ARHGAP32: variants seen among roughly 807,000 people sequenced by gnomAD.
ARHGAP32 encodes the protein rho GTPase-activating protein 32.
A neutral mutation model predicts 186.5 loss-of-function variants in ARHGAP32; 51 were observed. The ratio of observed to expected loss-of-function variants is 0.27; its 90% CI spans 0.22 to 0.35. The LOEUF is 0.35. Ranked by LOEUF, ARHGAP32 falls within the 10% of genes least tolerant of loss-of-function variation. The pLI is 1.00. For missense variants in ARHGAP32, 2,186 were observed against 2,623.5 expected, an observed-to-expected ratio of 0.83 and a Z score of 3.64; for synonymous variants, 950 against 964.3, an observed-to-expected ratio of 0.99 and a Z score of 0.27.
At chr11:129,164,294 G>T in intron 2 of ARHGAP32, 25 bp downstream of exon 2, 1 of 1,330,418 alleles carries the variant, frequency 7.5e-7, no homozygotes, top group Non-Finnish European at 1.0e-6. Context: ...ATGTATATAT[G>T]AACAATTGTA....
At chr11:128,980,793 G>C (rs1945686890) in intron 17 of ARHGAP32, 45 bp from the exon 18 acceptor site, 3 of 1,404,258 alleles carry the variant, frequency 2.1e-6, no homozygotes, top group African/African-American at 2.9e-5. Flanking sequence ...AACTACGTGA[G>C]TGTATTCAAT....
chr11:129,260,175 A>C (rs1172107784), intron 1 of ARHGAP32, among the ~76,000 whole-genome samples: 1 of 152,182 alleles, frequency 6.6e-6, no homozygotes, highest in Non-Finnish European at 1.5e-5. Context: ...ATAGTATTTC[A>C]TTTACACTTC....
intron 5 of ARHGAP32, among the ~76,000 whole-genome samples, chr11:129,103,591 TATC>T (rs1941965074): frequency 6.6e-6 from 1 of 151,918 alleles, no homozygotes; most frequent in Non-Finnish European, 1.5e-5. Context: ...GTACTAAACA[TATC>T]ATAATTATAA....
rs1945442900 is a variant in ARHGAP32, at chr11:128,973,182, A to T, written c.3324T>A (p.Asp1108Glu). Residue 1108 changes from aspartate to glutamate, a missense_variant, in exon 22 of 23, where the codon GAT (aspartate) becomes GAA (glutamate). Transcript: ENST00000682385. ...LSSSYSAVAL[D>E]KAYFQTDRPA... is the part of the protein sequence containing the mutation. ...GTCGATCGGTTTGGAAATAGGCCTTATCTAGAGCAACTGCAGAGTAAGAAC... is the reference window on the plus strand; with the variant it reads ...GTCGATCGGTTTGGAAATAGGCCTTTTCTAGAGCAACTGCAGAGTAAGAAC... 1 of 1,614,140 alleles carries T rather than the reference A, an allele frequency of 6.2e-7. No homozygotes were observed. Among genetic ancestry groups the T allele is most frequent in the East Asian group, 2.2e-5 (1 of 44,878 alleles).
chr11:128,970,833 A>G lies in ARHGAP32; in HGVS notation c.4380T>C (p.Ala1460=). 6.2e-7 allele frequency: 1 copy of G among 1,614,236 alleles called. No homozygotes were observed. The highest frequency in any genetic ancestry group is 1.1e-5 in the South Asian group (1 of 91,088). The change falls in exon 23 of 23, where the codon GCT becomes GCC. Residue 1460 remains alanine, a synonymous_variant. Transcript: ENST00000682385. The surrounding 1 kb of genome is among the most constrained non-coding windows in gnomAD (Gnocchi z 5.8). Reference sequence around the variant, plus strand: ...ATGCATCGTCCACAGAGGTGGATGAAGCAGTGACAAAGGAATGATAATTTG... The same window carrying G: ...ATGCATCGTCCACAGAGGTGGATGAGGCAGTGACAAAGGAATGATAATTTG... The part of the protein sequence containing the change: ...SSSNYHSFVT[A]SSTSVDDALP...
chr11:128,972,442 C>T lies in ARHGAP32; in HGVS notation c.4053+11G>A, dbSNP rs369896801. The T allele has an allele frequency of 2.0e-6, 3 of 1,509,104 alleles. No individual in the cohort carries two copies. Among genetic ancestry groups the T allele is most frequent in the Non-Finnish European group, 2.7e-6 (3 of 1,128,972 alleles). The allele number at this position is 1,509,104 out of a possible 1,614,324, so 93.5% of individuals were successfully genotyped here. ...GTATATTTCATCTCACTGATATCTT[C>T]CCCTTCTTACCTTGTGGGAATTATT... On this transcript the variant is annotated intron_variant, in intron 22 of 22. Transcript: ENST00000682385.
chr11:129,135,724 G>A (rs544811856), intron 2 of ARHGAP32, among the ~76,000 whole-genome samples: 13 of 151,954 alleles, frequency 8.6e-5, no homozygotes, highest in South Asian at 6.2e-4. Flanking sequence ...CTGAGATCGC[G>A]CCACTGCACT....
intron 11 of ARHGAP32, among the ~76,000 whole-genome samples, chr11:129,024,883 T>C (rs544012023): frequency 6.6e-6 from 1 of 152,344 alleles, no homozygotes; most frequent in African/African-American, 2.4e-5. Context: ...TAAAGATTCT[T>C]ATTAGTTATT....
At chr11:129,018,036 T>A (rs1452969740) in intron 11 of ARHGAP32, among the ~76,000 whole-genome samples, 1 of 151,938 alleles carries the variant, frequency 6.6e-6, no homozygotes, top group Non-Finnish European at 1.5e-5. Flanking sequence ...TATTATTATT[T>A]TTATTTATTT....
chr11:129,109,845 C>T (rs139364317), intron 5 of ARHGAP32, among the ~76,000 whole-genome samples: 14 of 152,088 alleles, frequency 9.2e-5, no homozygotes, highest in African/African-American at 2.9e-4. Flanking sequence ...CCTTGTATAA[C>T]TCCCTTGTGG....
At chr11:129,073,180 C>T (rs1012275580) in intron 6 of ARHGAP32, among the ~76,000 whole-genome samples, 1 of 152,166 alleles carries the variant, frequency 6.6e-6, no homozygotes, top group African/African-American at 2.4e-5. Context: ...TTCTTTGACC[C>T]ACCTTATGTC....
intron 1 of ARHGAP32, among the ~76,000 whole-genome samples, chr11:129,214,145 A>G (rs1487826217): frequency 6.6e-6 from 1 of 152,166 alleles, no homozygotes; most frequent in African/African-American, 2.4e-5. Context: ...GTCACAACAA[A>G]AAGAAGCCTA....
chr11:129,153,027 G>C (rs1435045378), intron 2 of ARHGAP32, among the ~76,000 whole-genome samples: 3 of 151,914 alleles, frequency 2.0e-5, no homozygotes, highest in Non-Finnish European at 2.9e-5. Flanking sequence ...CTGATAAATA[G>C]ATTCAGTAAA....
chr11:129,204,794 G>A (rs1944496305), intron 1 of ARHGAP32, among the ~76,000 whole-genome samples: 1 of 152,144 alleles, frequency 6.6e-6, no homozygotes, highest in Non-Finnish European at 1.5e-5. Context: ...TTATCCTCAA[G>A]TAACAGAAGC....
chr11:129,153,982 C>T (rs941538576), intron 2 of ARHGAP32, among the ~76,000 whole-genome samples: 2 of 151,878 alleles, frequency 1.3e-5, no homozygotes, highest in African/African-American at 4.8e-5. Flanking sequence ...ACAAATTATG[C>T]ATCTGACAAA....
At chr11:129,179,392 C>G (rs2135527638) in intron 1 of ARHGAP32, among the ~76,000 whole-genome samples, 1 of 152,266 alleles carries the variant, frequency 6.6e-6, no homozygotes, top group Non-Finnish European at 1.5e-5. Flanking sequence ...GTGGCCATTC[C>G]TCAGGGATCT....
At chr11:129,221,061 T>C (rs1032070448) in intron 1 of ARHGAP32, among the ~76,000 whole-genome samples, 4 of 151,772 alleles carry the variant, frequency 2.6e-5, no homozygotes, top group African/African-American at 9.7e-5. Flanking sequence ...AGATGCTATA[T>C]ATTCTAACTA....
rs1945703619 is a variant in ARHGAP32, at chr11:128,981,422, C to G, written c.1774G>C (p.Gly592Arg). Residue 592 changes from glycine to arginine, a missense_variant, in exon 17 of 23, where the codon GGG (glycine) becomes CGG (arginine). Physicochemically the swap from Gly to Arg is moderately radical, Grantham distance 125. Transcript: ENST00000682385. ...SGRISMAMQE[G>R]AASLSRPKSL... ...AGGGCCATCGGAGCCGTACCTGCCC[C>G]CTCTTGCATGGCCATGCTGATTCTG... The G allele has an allele frequency of 6.2e-7, 1 of 1,601,550 alleles. No homozygotes were observed. Among genetic ancestry groups the G allele is most frequent in the Admixed American group, 1.7e-5 (1 of 59,194 alleles).
At chr11:129,079,452 T>C (rs1164325768) in intron 6 of ARHGAP32, among the ~76,000 whole-genome samples, 2 of 152,106 alleles carry the variant, frequency 1.3e-5, no homozygotes, top group African/African-American at 4.8e-5. Context: ...TTTAGCCTCC[T>C]GAAACAAAAC....
Sources: gnomAD v4.1 joint callset for allele counts (sites outside exome capture counted in the v4.1 genomes callset) on GRCh38, gnomAD v4.1.1 for gene constraint, Gnocchi (gnomAD v3.1) non-coding constraint, MANE v1.5 for transcripts, NCBI Gene and HGNC (gene_info 2026-07-23, HGNC 2026-07-21) for gene names.